HEMK2: variants seen among roughly 807,000 people sequenced by gnomAD.
The protein encoded by HEMK2 is HemK methyltransferase 2, ETF1 glutamine and histone H4 lysine, also known as methyltransferase HEMK2.
chr21:28,771,518 ACC>A, the HEMK2 span, among the ~76,000 whole-genome samples: 1 of 105,594 alleles, frequency 9.5e-6, no homozygotes, highest in Non-Finnish European at 2.0e-5. Context: ...AAGATGCACC[ACC>A]CCCCCCCGCC....
At chr21:28,654,243 T>A in the HEMK2 span, among the ~76,000 whole-genome samples, 1 of 152,160 alleles carries the variant, frequency 6.6e-6, no homozygotes, top group African/African-American at 2.4e-5. Context: ...GTGGGCCATA[T>A]CCTTATAGGC....
the HEMK2 span, among the ~76,000 whole-genome samples, chr21:28,629,907 A>G: frequency 6.9e-6 from 1 of 144,864 alleles, no homozygotes; most frequent in Non-Finnish European, 1.5e-5. Context: ...GTCTTCTCAA[A>G]ACCCCCTTTG....
chr21:28,878,235 T>C, the HEMK2 span: 1 of 1,601,188 alleles, frequency 6.2e-7, no homozygotes, highest in African/African-American at 1.3e-5. Flanking sequence ...ATAATCCTCT[T>C]GGTGAAAGGA....
At chr21:28,835,821 C>T in the HEMK2 span, among the ~76,000 whole-genome samples, 1 of 151,874 alleles carries the variant, frequency 6.6e-6, no homozygotes, top group Non-Finnish European at 1.5e-5. Flanking sequence ...AATTTTGGAC[C>T]ACTTTTAGAA....
chr21:28,635,655 T>C, the HEMK2 span, among the ~76,000 whole-genome samples: 2 of 152,192 alleles, frequency 1.3e-5, no homozygotes, highest in Admixed American at 1.3e-4. Context: ...TTAATCCTCA[T>C]AATAGCTCCA....
chr21:28,707,183 G>A, the HEMK2 span, among the ~76,000 whole-genome samples: 84,477 of 151,800 alleles, frequency 0.56, 26,149 homozygotes, highest in East Asian at 0.84. Context: ...TTAAAGGTTA[G>A]CACAAACAAC....
chr21:28,868,258 G>C, the HEMK2 span, among the ~76,000 whole-genome samples: 102 of 152,154 alleles, frequency 6.7e-4, 1 homozygote, highest in African/African-American at 2.4e-3. Flanking sequence ...ATTTGTTCCG[G>C]TTTTATGAAA....
the HEMK2 span, among the ~76,000 whole-genome samples, chr21:28,877,376 G>A: frequency 7.8e-6 from 1 of 127,666 alleles, no homozygotes; most frequent in African/African-American, 3.0e-5. Context: ...GAGAAGGGAA[G>A]GGAAGAAAGA....
chr21:28,627,242 A>G, the HEMK2 span, among the ~76,000 whole-genome samples: 7 of 152,162 alleles, frequency 4.6e-5, no homozygotes, highest in Non-Finnish European at 8.8e-5. Context: ...GGCATGAGAG[A>G]AATTTCTGGG....
the HEMK2 span, among the ~76,000 whole-genome samples, chr21:28,847,911 G>A: frequency 8.5e-5 from 13 of 152,284 alleles, no homozygotes; most frequent in East Asian, 2.5e-3. Context: ...TGTTGACTTT[G>A]TCAAAGACCA....
the HEMK2 span, among the ~76,000 whole-genome samples, chr21:28,732,344 C>T: frequency 6.6e-6 from 1 of 152,340 alleles, no homozygotes; most frequent in African/African-American, 2.4e-5. Context: ...GTGTGCCAGG[C>T]ACTGTGATGT....
the HEMK2 span, among the ~76,000 whole-genome samples, chr21:28,842,030 G>A: frequency 2.6e-5 from 4 of 152,028 alleles, no homozygotes; most frequent in South Asian, 2.1e-4. Flanking sequence ...TTTTCACTAC[G>A]ATAAACTGTA....
At chr21:28,644,864 A>G in the HEMK2 span, among the ~76,000 whole-genome samples, 1 of 152,278 alleles carries the variant, frequency 6.6e-6, no homozygotes, top group Middle Eastern at 3.4e-3. Context: ...CTCACTCCAC[A>G]TTTTTGTTAA....
chr21:28,639,413 A>G, the HEMK2 span, among the ~76,000 whole-genome samples: 1 of 152,224 alleles, frequency 6.6e-6, no homozygotes, highest in African/African-American at 2.4e-5. Context: ...TTCTAGTGCC[A>G]ACTAACGACC....
At chr21:28,843,061 T>C in the HEMK2 span, among the ~76,000 whole-genome samples, 2 of 152,278 alleles carry the variant, frequency 1.3e-5, no homozygotes, top group African/African-American at 4.8e-5. Flanking sequence ...GAAAAGTAAA[T>C]GTTCATTTTG....
At chr21:28,751,153 C>T in the HEMK2 span, among the ~76,000 whole-genome samples, 1 of 149,352 alleles carries the variant, frequency 6.7e-6, no homozygotes. Context: ...ATGGTGTGAA[C>T]CCGGGAGGCG....
chr21:28,586,101 G>T, the HEMK2 span, among the ~76,000 whole-genome samples: 1 of 152,178 alleles, frequency 6.6e-6, no homozygotes, highest in African/African-American at 2.4e-5. Context: ...AGAAAGTGGT[G>T]GGATAGAGAA....
the HEMK2 span, among the ~76,000 whole-genome samples, chr21:28,689,618 C>CCAAG: frequency 6.6e-6 from 1 of 152,052 alleles, no homozygotes; most frequent in Non-Finnish European, 1.5e-5. Flanking sequence ...AGACATCCTC[C>CCAAG]CAAGATTCTA....
chr21:28,614,324 C>G, the HEMK2 span, among the ~76,000 whole-genome samples: 29 of 151,028 alleles, frequency 1.9e-4, no homozygotes, highest in East Asian at 5.4e-3. Flanking sequence ...TTCTATGGTA[C>G]GGCTTTTAAA....
Sources: gnomAD v4.1 joint callset for allele counts (sites outside exome capture counted in the v4.1 genomes callset) on GRCh38, gnomAD v4.1.1 for gene constraint, MANE v1.5 for transcripts, NCBI Gene and HGNC (gene_info 2026-07-23, HGNC 2026-07-21) for gene names.